Variants in TENM4 observed in about 807,000 individuals in gnomAD.
TENM4 encodes the protein teneurin-4.
A neutral mutation model predicts 243.3 loss-of-function variants in TENM4; 82 were observed. That is an observed-to-expected ratio of 0.34 (90% CI 0.28 to 0.40). TENM4 has a LOEUF of 0.40. TENM4 is among the 10% of genes least tolerant of loss of function. The pLI, the probability that TENM4 is intolerant of heterozygous loss-of-function variation, is 1.00. For synonymous variants in TENM4, 1,412 were observed against 1,456.3 expected (o/e 0.97, Z 0.69); for missense variants, 3,138 against 3,673.3 (o/e 0.85, Z 3.77).
intron 6 of TENM4, among the ~76,000 whole-genome samples, chr11:78,905,854 A>G (rs559883582): frequency 3.3e-5 from 5 of 152,336 alleles, no homozygotes; most frequent in Admixed American, 3.3e-4. Flanking sequence ...AGAAGGTGAG[A>G]ATGTGCAGGG....
At chr11:78,728,539 C>A (rs1037950088) in intron 22 of TENM4, among the ~76,000 whole-genome samples, 3 of 151,522 alleles carry the variant, frequency 2.0e-5, no homozygotes, top group Non-Finnish European at 4.4e-5. Context: ...CCTTCCCTCC[C>A]TCTCTTCCTC....
chr11:79,412,023 C>A (rs892452044), intron 1 of TENM4, among the ~76,000 whole-genome samples: 6 of 152,210 alleles, frequency 3.9e-5, no homozygotes, highest in Non-Finnish European at 7.3e-5. Context: ...CTTGGCTCAG[C>A]CACAACCACA....
At chr11:78,992,354 G>A (rs1013426148) in intron 6 of TENM4, among the ~76,000 whole-genome samples, 1 of 152,252 alleles carries the variant, frequency 6.6e-6, no homozygotes, top group Non-Finnish European at 1.5e-5. Flanking sequence ...TCCTCACTGA[G>A]TAGTCTAGTT....
At chr11:78,886,200 A>T (rs1395805829) in intron 9 of TENM4, among the ~76,000 whole-genome samples, 4 of 152,232 alleles carry the variant, frequency 2.6e-5, no homozygotes, top group Non-Finnish European at 5.9e-5. Flanking sequence ...ATAATTGATT[A>T]TACTTGAAAT....
chr11:78,684,318 C>T (rs1858602348), intron 29 of TENM4, among the ~76,000 whole-genome samples: 1 of 152,228 alleles, frequency 6.6e-6, no homozygotes, highest in Non-Finnish European at 1.5e-5. Context: ...TTCATCAGTA[C>T]ACTAGGACAA....
chr11:79,051,077 A>T (rs1560993), intron 6 of TENM4, among the ~76,000 whole-genome samples: 1 of 152,234 alleles, frequency 6.6e-6, no homozygotes, highest in Non-Finnish European at 1.5e-5. Flanking sequence ...AATGAGGCCG[A>T]TATCTACCTC....
chr11:79,428,089 G>A (rs1164244148), intron 1 of TENM4, among the ~76,000 whole-genome samples: 3 of 152,252 alleles, frequency 2.0e-5, no homozygotes, highest in Non-Finnish European at 4.4e-5. Context: ...GCTAAGCCAA[G>A]TGTGGCCTTA....
intron 12 of TENM4, among the ~76,000 whole-genome samples, chr11:78,833,047 C>T (rs1161851076): frequency 3.3e-5 from 5 of 152,178 alleles, no homozygotes; most frequent in East Asian, 1.9e-4. Context: ...GAAGAAACCC[C>T]ACAGGTCTCC....
chr11:79,406,461 C>T (rs556051658), intron 1 of TENM4, among the ~76,000 whole-genome samples: 41 of 152,302 alleles, frequency 2.7e-4, no homozygotes, highest in Admixed American at 7.8e-4. Context: ...CAAGCATTGG[C>T]GAGGTATTAA....
intron 11 of TENM4, 24 bp downstream of exon 11, chr11:78,855,940 C>T: frequency 6.5e-7 from 1 of 1,549,090 alleles, no homozygotes; most frequent in South Asian, 1.2e-5. Context: ...TGCAGATCAA[C>T]AGGGTATGTG....
intron 6 of TENM4, among the ~76,000 whole-genome samples, chr11:78,993,883 C>T (rs530907978): frequency 9.7e-4 from 148 of 152,120 alleles, no homozygotes; most frequent in African/African-American, 3.5e-3. Flanking sequence ...TTATGAGTTC[C>T]CTATCCTTCT....
chr11:78,753,091 A>G (rs1197601372), intron 19 of TENM4, among the ~76,000 whole-genome samples: 3 of 152,198 alleles, frequency 2.0e-5, no homozygotes, highest in Non-Finnish European at 4.4e-5. Context: ...GAATTTTCCT[A>G]AGGTTACAAA....
chr11:79,221,344 T>C (rs1239361124), intron 2 of TENM4, among the ~76,000 whole-genome samples: 3 of 60,814 alleles, frequency 4.9e-5, no homozygotes, highest in African/African-American at 6.5e-5. Flanking sequence ...ATTTAGAATA[T>C]GGATTTTTTT....
chr11:78,840,342 A>T (rs1210072803), intron 12 of TENM4, among the ~76,000 whole-genome samples: 1 of 152,198 alleles, frequency 6.6e-6, no homozygotes, highest in East Asian at 1.9e-4. Context: ...AAAATAAAAA[A>T]AAAATCAGGC....
chr11:79,205,354 G>T (rs1863830579), intron 3 of TENM4, among the ~76,000 whole-genome samples: 1 of 152,056 alleles, frequency 6.6e-6, no homozygotes, highest in South Asian at 2.1e-4. Flanking sequence ...TGTGTGTATG[G>T]GTTAAGTTCT....
rs571436091 is a variant in TENM4, at chr11:79,199,474, G to T, written c.-163+16334C>A. Among the ~76,000 whole-genome samples, 38 of 152,286 alleles carry T rather than the reference G, an allele frequency of 2.5e-4. 1 individual carries two copies. The highest frequency in any genetic ancestry group is 8.7e-4 in the African/African-American group (36 of 41,562). On this transcript the variant is annotated intron_variant, in intron 3 of 33. Coordinates refer to ENST00000278550, the MANE Select transcript of TENM4 (RefSeq NM_001098816.3). ...GTGGAATACTTCCATTACCTGATAC[G>T]TGGTGAGCCTGCAATACAAGTTCAT...
At chr11:79,176,909 T>C (rs1863170333) in intron 3 of TENM4, among the ~76,000 whole-genome samples, 2 of 152,100 alleles carry the variant, frequency 1.3e-5, no homozygotes, top group African/African-American at 4.8e-5. Flanking sequence ...AGGAGACCGG[T>C]CAGGGTGGGG....
chr11:79,252,366 C>T (rs1372113348), intron 2 of TENM4, among the ~76,000 whole-genome samples: 1 of 152,198 alleles, frequency 6.6e-6, no homozygotes, highest in East Asian at 1.9e-4. Context: ...TTCCGAGTAG[C>T]TGGGATTACA....
intron 5 of TENM4, chr11:79,067,982 G>A (rs1028910932): frequency 2.6e-5 from 4 of 152,154 alleles, no homozygotes; most frequent in East Asian, 1.9e-4. Flanking sequence ...AAACTGCTAC[G>A]CACATGCCTG....
Sources: gnomAD v4.1 joint callset for allele counts (sites outside exome capture counted in the v4.1 genomes callset) on GRCh38, gnomAD v4.1.1 for gene constraint, MANE v1.5 for transcripts, NCBI Gene and HGNC (gene_info 2026-07-23, HGNC 2026-07-21) for gene names.